The following NRDE2 variants were observed in gnomAD, a reference collection of about 807,000 sequenced individuals.
NRDE2 encodes the protein NRDE-2, necessary for RNA interference, domain containing, also known as nuclear exosome regulator NRDE2.
NRDE2 carries 76 observed loss-of-function variants against 124.2 expected under a neutral mutation model. That is an observed-to-expected ratio of 0.61 (90% CI 0.51 to 0.74). The LOEUF (loss-of-function observed/expected upper bound fraction) is 0.74. Ranked by LOEUF, NRDE2 falls within the 30% of genes least tolerant of loss-of-function variation. The probability of loss-of-function intolerance (pLI) is 0.00; values close to 1 mark genes in which losing one functional copy is unlikely to be tolerated. For missense variants in NRDE2, 1,314 were observed against 1,417.3 expected (o/e 0.93, Z 1.17); for synonymous variants, 489 against 528.1 (o/e 0.93, Z 1.01).
Position 90,270,100 on chromosome 14 carries a change from T to C in NRDE2, c.*8236A>G, listed in dbSNP as rs1468307388. 5.4e-6 allele frequency: 7 copies of C among 1,305,234 alleles called. No individual in the cohort carries two copies. The highest frequency in any genetic ancestry group is 1.5e-5 in the African/African-American group (1 of 67,458). The allele number at this position is 1,305,234 out of a possible 1,614,324, so 80.9% of individuals were successfully genotyped here. ...TCCTTCCCACAGAATTCTGTCCGAC[T>C]GAAACTTCGTATGTAAGGAGATGGG... is the stretch of plus-strand genomic sequence containing the variant. On this transcript the variant is annotated 3_prime_UTR_variant, in exon 14 of 14. Coordinates refer to ENST00000354366, the MANE Select transcript of NRDE2 (RefSeq NM_017970.4).
chr14:90,287,103 C>A (rs1892129508), intron 11 of NRDE2, among the ~76,000 whole-genome samples: 1 of 139,108 alleles, frequency 7.2e-6, no homozygotes, highest in Non-Finnish European at 1.5e-5. Flanking sequence ...AATGCAAATT[C>A]TACTTTACAG....
rs2139706572 is a variant in NRDE2, at chr14:90,316,741, T to C, written c.244A>G (p.Lys82Glu). The C allele has an allele frequency of 6.2e-7, 1 of 1,613,610 alleles. No individual in the cohort carries two copies. Among genetic ancestry groups the C allele is most frequent in the East Asian group, 2.2e-5 (1 of 44,884 alleles). Reference protein sequence around the residue: ...NKKLKQTSRKKKKEKKKKRKH... With the variant: ...NKKLKQTSRKEKKEKKKKRKH... ...CTTTTTTTCTTTTTCTCTTTCTTCT[T>C]TTTTCTACTTGTTTGTTTGAGCTTT... Residue 82 changes from lysine to glutamate, a missense_variant, in exon 3 of 14, where the codon AAG becomes GAG. Coordinates refer to ENST00000354366, the MANE Select transcript of NRDE2 (RefSeq NM_017970.4).
Position 90,321,728 on chromosome 14 carries a change from T to C in NRDE2, c.65-3615A>G, listed in dbSNP as rs144148107. On this transcript the variant is annotated intron_variant, in intron 1 of 13. Coordinates refer to ENST00000354366, the MANE Select transcript of NRDE2 (RefSeq NM_017970.4). ...TTATTTTTTGATAGCATATTAGCAG[T>C]GCACATGCAGGGAATACTAGAAGTA... 1.7e-3 allele frequency among the ~76,000 whole-genome samples: 264 copies of C among 152,246 alleles called. 1 individual carries two copies. The highest frequency in any genetic ancestry group is 6.2e-3 in the South Asian group (30 of 4,822).
intron 1 of NRDE2, among the ~76,000 whole-genome samples, chr14:90,321,705 A>AT (rs1885250537): frequency 6.6e-6 from 1 of 152,058 alleles, no homozygotes; most frequent in Admixed American, 6.6e-5. Context: ...GTTTTGCTTT[A>AT]TTTTTTGATA....
Position 90,303,083 on chromosome 14 carries a change from C to T in NRDE2, c.1048G>A (p.Gly350Arg), listed in dbSNP as rs1299078861. 1 of 1,613,878 alleles carries T rather than the reference C, an allele frequency of 6.2e-7. No homozygotes were observed. The highest frequency in any genetic ancestry group is 1.3e-5 in the African/African-American group (1 of 74,918). ...GACCTCTTTCGCTTTTCCTGCTCTC[C>T]TTCCTCGATGGCATACAGGCCAGGA... ...KSPGLYAIEE[G>R]EQEKRKRSLK... Residue 350 changes from glycine (G) to arginine (R), a missense_variant, in exon 6 of 14, where the codon GGA (glycine) becomes AGA (arginine). Physicochemically the swap from Gly to Arg is moderately radical, Grantham distance 125. Coordinates refer to ENST00000354366, the MANE Select transcript of NRDE2 (RefSeq NM_017970.4).
At chr14:90,301,582 A>C (rs1297231806) in intron 6 of NRDE2, among the ~76,000 whole-genome samples, 2 of 152,256 alleles carry the variant, frequency 1.3e-5, no homozygotes, top group African/African-American at 4.8e-5. Flanking sequence ...GTATGAAAGC[A>C]TCACAGAACA....
Position 90,292,108 on chromosome 14 carries a change from C to T in NRDE2, c.1842+589G>A, listed in dbSNP as rs145729275. Among the ~76,000 whole-genome samples the T allele has an allele frequency of 2.6e-3, 390 of 152,332 alleles. 3 individuals carry two copies. The highest frequency in any genetic ancestry group is 8.9e-3 in the African/African-American group (369 of 41,570). ...ACACAGAGCAGCATGTAACAAGTCA[C>T]ACGGTAACAGTAAATGAGATAACAC... On this transcript the variant is annotated intron_variant, in intron 9 of 13. Transcript: ENST00000354366.
intron 4 of NRDE2, among the ~76,000 whole-genome samples, chr14:90,305,501 A>G (rs1884564549): frequency 6.6e-6 from 1 of 152,248 alleles, no homozygotes; most frequent in African/African-American, 2.4e-5. Flanking sequence ...TATTCCTAAC[A>G]GCCAAACACT....
rs540559045 is a variant in NRDE2 at position 90,301,460 on chromosome 14, T to C, written c.1412-88A>G. ...CTTCTCAAAACAGGCAATTAACACATTGAGAACACCTTTCACCTGCAATCA... is the reference window on the plus strand; with the variant it reads ...CTTCTCAAAACAGGCAATTAACACACTGAGAACACCTTTCACCTGCAATCA... On this transcript the variant is annotated intron_variant, in intron 6 of 13. Coordinates refer to ENST00000354366, the MANE Select transcript of NRDE2 (RefSeq NM_017970.4). The C allele has an allele frequency of 1.2e-4, 148 of 1,240,742 alleles. No individual in the cohort carries two copies. In the South Asian group the frequency reaches 1.6e-3, roughly 13 times the overall value. The allele number at this position is 1,240,742 out of a possible 1,614,324, so 76.9% of individuals were successfully genotyped here. A position where few individuals can be genotyped will look rare whatever the true frequency, so the allele number is the denominator to read the frequency against.
intron 8 of NRDE2, among the ~76,000 whole-genome samples, chr14:90,294,499 T>C (rs914024154): frequency 1.3e-5 from 2 of 152,234 alleles, no homozygotes; most frequent in African/African-American, 2.4e-5. Flanking sequence ...AGTGGAGAAG[T>C]GTTCGGCTTT....
chr14:90,281,907 C>G (rs901656221), intron 12 of NRDE2, among the ~76,000 whole-genome samples: 3 of 152,154 alleles, frequency 2.0e-5, no homozygotes, highest in Non-Finnish European at 4.4e-5. Flanking sequence ...ATTCTTTTCC[C>G]TCCCACCAGC....
intron 9 of NRDE2, among the ~76,000 whole-genome samples, chr14:90,291,580 C>A (rs1892272136): frequency 1.3e-5 from 2 of 152,154 alleles, no homozygotes; most frequent in Non-Finnish European, 2.9e-5. Flanking sequence ...AGATTCCACT[C>A]TTCTGCAGAC....
rs561353675 is a variant in NRDE2 at position 90,327,239 on chromosome 14, A to G, written c.64+4602T>C. ...GACATCTCTTAGGACAGAAAGCAAG[A>G]AAGCTATTAAATAAAGATGATTGGG... On this transcript the variant is annotated intron_variant, in intron 1 of 13. Transcript: ENST00000354366. Among the ~76,000 whole-genome samples the G allele has an allele frequency of 3.3e-5, 5 of 152,358 alleles. No homozygotes were observed. In the South Asian group the frequency reaches 1.0e-3, roughly 32 times the overall value.
chr14:90,286,559 T>C lies in NRDE2; in HGVS notation c.3159-67A>G, dbSNP rs1254390317. On this transcript the variant is annotated intron_variant, in intron 11 of 13. Transcript: ENST00000354366. ...CATCCTACATCACAGAAGGAAGAGA[T>C]GCCTGAGTGATGATAAGTGTCAGCA... 7.7e-6 allele frequency: 12 copies of C among 1,560,764 alleles called. No individual in the cohort carries two copies. The Admixed American group carries it at 9.3e-5, about 12-fold the overall frequency.
At chr14:90,318,404 AT>A (rs1348819346) in intron 1 of NRDE2, among the ~76,000 whole-genome samples, 16 of 152,366 alleles carry the variant, frequency 1.1e-4, no homozygotes, top group African/African-American at 3.6e-4. Flanking sequence ...GCAACAAGGC[AT>A]TTTGCATTCC....
At position 90,271,230 on chromosome 14, in the gene NRDE2, C is replaced by T. The variant is rs1891653570; in HGVS notation, c.*7106G>A. 6.6e-6 allele frequency: 1 copy of T among 152,232 alleles called. No individual in the cohort carries two copies. The highest frequency in any genetic ancestry group is 1.5e-5 in the Non-Finnish European group (1 of 68,048). The allele number at this position is 152,232 out of a possible 1,614,324, so 9.4% of individuals were successfully genotyped here. A position where few individuals can be genotyped will look rare whatever the true frequency, so the allele number is the denominator to read the frequency against. On this transcript the variant is annotated 3_prime_UTR_variant, in exon 14 of 14. Transcript: ENST00000354366. ...GAAGTAAATAACCTGATGGCCATCA[C>T]CAAACAAACTTCTGTGCCAGGATTG... is the stretch of plus-strand genomic sequence containing the variant.
chr14:90,295,022 T>C (rs993622931), intron 8 of NRDE2, among the ~76,000 whole-genome samples: 1 of 152,142 alleles, frequency 6.6e-6, no homozygotes, highest in African/African-American at 2.4e-5. Flanking sequence ...TGATCTTGAT[T>C]GTGGTAGTGA....
At position 90,290,299 on chromosome 14, in the gene NRDE2, G is replaced by A; in HGVS notation, c.2151C>T (p.Phe717=). ...CTGAAAATAAAGGCATGACAAGGTG[G>A]AAGACATTGCGGATGAACTCCTCGC... ...REGEEFIRNV[F]HLVMPLFSGK... Residue 717 remains phenylalanine (F), a synonymous_variant, in exon 10 of 14, where the codon TTC becomes TTT. Coordinates refer to ENST00000354366, the MANE Select transcript of NRDE2 (RefSeq NM_017970.4). The A allele has an allele frequency of 6.2e-7, 1 of 1,614,110 alleles. No homozygotes were observed. The highest frequency in any genetic ancestry group is 8.5e-7 in the Non-Finnish European group (1 of 1,180,038).
At chr14:90,324,667 C>T (rs1482794236) in intron 1 of NRDE2, among the ~76,000 whole-genome samples, 16 of 140,250 alleles carry the variant, frequency 1.1e-4, no homozygotes, top group African/African-American at 3.7e-4. Context: ...AGCAAGGCTC[C>T]GTCTCCAAAA....
Sources: gnomAD v4.1 joint callset for allele counts (sites outside exome capture counted in the v4.1 genomes callset) on GRCh38, gnomAD v4.1.1 for gene constraint, MANE v1.5 for transcripts, NCBI Gene and HGNC (gene_info 2026-07-23, HGNC 2026-07-21) for gene names.